Variants in SHISA9 observed in about 807,000 individuals in gnomAD.
SHISA9 encodes shisa family member 9.
In SHISA9, 13 loss-of-function variants were observed where a neutral mutation model predicts 38.0. The ratio of observed to expected loss-of-function variants is 0.34; its 90% CI spans 0.22 to 0.54. The LOEUF is 0.54. Among genes scored for constraint, SHISA9 ranks in the 20% least tolerant of loss-of-function variants. The probability of loss-of-function intolerance (pLI) is 0.91; values close to 1 mark genes in which losing one functional copy is unlikely to be tolerated. For missense variants in SHISA9, 538 were observed against 575.8 expected, an observed-to-expected ratio of 0.93 and a Z score of 0.67; for synonymous variants, 275 against 242.0, an observed-to-expected ratio of 1.14 and a Z score of -1.27.
chr16:12,997,058 G>A (rs2072465722), intron 2 of SHISA9, among the ~76,000 whole-genome samples: 1 of 152,046 alleles, frequency 6.6e-6, no homozygotes, highest in African/African-American at 2.4e-5. Flanking sequence ...CATGCATATA[G>A]CCCTGCAACC....
At chr16:13,017,701 T>C (rs1224638930) in intron 2 of SHISA9, among the ~76,000 whole-genome samples, 2 of 152,160 alleles carry the variant, frequency 1.3e-5, no homozygotes, top group South Asian at 2.1e-4. Context: ...TAAGAAAAAC[T>C]GAGGTTTAGA....
the SHISA9 span, among the ~76,000 whole-genome samples, chr16:13,440,543 G>A: frequency 6.6e-6 from 1 of 152,172 alleles, no homozygotes; most frequent in African/African-American, 2.4e-5. Flanking sequence ...ATGTCTCCTA[G>A]TTATTCTGTT....
At chr16:13,285,693 C>G in the SHISA9 span, among the ~76,000 whole-genome samples, 1 of 151,992 alleles carries the variant, frequency 6.6e-6, no homozygotes. Flanking sequence ...AGACATTATC[C>G]TAAGTGTAAA....
At chr16:13,313,639 A>G in the SHISA9 span, among the ~76,000 whole-genome samples, 4 of 152,258 alleles carry the variant, frequency 2.6e-5, no homozygotes, top group Non-Finnish European at 5.9e-5. Flanking sequence ...AACATTGTTT[A>G]TGAATAGTCT....
chr16:13,088,014 G>T (rs1217637199), intron 2 of SHISA9, among the ~76,000 whole-genome samples: 5 of 152,108 alleles, frequency 3.3e-5, no homozygotes, highest in Non-Finnish European at 2.9e-5. Context: ...TGTAAGGAAG[G>T]GATCCAGTTT....
the SHISA9 span, among the ~76,000 whole-genome samples, chr16:13,298,002 C>T: frequency 1.3e-5 from 2 of 152,154 alleles, no homozygotes; most frequent in African/African-American, 4.8e-5. Flanking sequence ...GTGATCCACC[C>T]GCCTCGGCCT....
At chr16:13,549,956 G>A in the SHISA9 span, among the ~76,000 whole-genome samples, 1 of 151,504 alleles carries the variant, frequency 6.6e-6, no homozygotes. Context: ...CCAGGAGGCA[G>A]AGGTTGCAGT....
chr16:13,486,104 C>T, the SHISA9 span, among the ~76,000 whole-genome samples: 86 of 152,300 alleles, frequency 5.6e-4, no homozygotes, highest in Middle Eastern at 6.8e-3. Flanking sequence ...CATTCCTGCA[C>T]GGAGTTGATT....
At chr16:13,328,627 CACACACACATAT>C in the SHISA9 span, among the ~76,000 whole-genome samples, 4 of 109,536 alleles carry the variant, frequency 3.7e-5, no homozygotes, top group African/African-American at 1.2e-4. Context: ...CACACACACA[CACACACACATAT>C]ATATTGTATT....
At chr16:13,145,631 T>A (rs1489533945) in intron 2 of SHISA9, among the ~76,000 whole-genome samples, 3 of 152,198 alleles carry the variant, frequency 2.0e-5, no homozygotes, top group Admixed American at 6.5e-5. Flanking sequence ...AAGGGAATAA[T>A]CGTGATTTTT....
At chr16:13,095,082 G>A (rs1186718346) in intron 2 of SHISA9, among the ~76,000 whole-genome samples, 1 of 152,150 alleles carries the variant, frequency 6.6e-6, no homozygotes, top group African/African-American at 2.4e-5. Context: ...CTGTCAAATG[G>A]TTTACAGGTC....
chr16:12,953,196 CAAAA>C (rs1177992016), intron 2 of SHISA9, among the ~76,000 whole-genome samples: 2 of 146,496 alleles, frequency 1.4e-5, no homozygotes, highest in East Asian at 2.0e-4. Flanking sequence ...AAAAGAAAAA[CAAAA>C]AAACCCCTCA....
the SHISA9 span, among the ~76,000 whole-genome samples, chr16:13,456,261 CTG>C: frequency 2.0e-5 from 3 of 152,204 alleles, no homozygotes; most frequent in South Asian, 2.1e-4. Context: ...AGCCGTTAGA[CTG>C]TGCACTTCAA....
intron 2 of SHISA9, among the ~76,000 whole-genome samples, chr16:13,000,911 C>G (rs112746201): frequency 6.6e-6 from 1 of 152,074 alleles, no homozygotes; most frequent in Non-Finnish European, 1.5e-5. Context: ...GGCAACTGCC[C>G]TCATCTTGGG....
At chr16:13,113,912 C>T (rs185050980) in intron 2 of SHISA9, among the ~76,000 whole-genome samples, 2 of 152,220 alleles carry the variant, frequency 1.3e-5, no homozygotes, top group East Asian at 1.9e-4. Context: ...GGGTCACTGC[C>T]TTCTTCTGTC....
intron 2 of SHISA9, among the ~76,000 whole-genome samples, chr16:13,152,452 A>T (rs886767691): frequency 6.6e-6 from 1 of 152,228 alleles, no homozygotes. Flanking sequence ...AAAGCGAGAT[A>T]TTAATAGCTC....
intron 4 of SHISA9, among the ~76,000 whole-genome samples, chr16:13,232,602 T>C (rs2051342284): frequency 6.6e-6 from 1 of 152,102 alleles, no homozygotes; most frequent in African/African-American, 2.4e-5. Context: ...TGCAGCTTGG[T>C]TTTATACATT....
chr16:13,328,140 C>G, the SHISA9 span, among the ~76,000 whole-genome samples: 1 of 152,156 alleles, frequency 6.6e-6, no homozygotes, highest in Non-Finnish European at 1.5e-5. Context: ...TAATTTCAAA[C>G]TCGGCCTCGA....
chr16:13,487,662 C>T, the SHISA9 span, among the ~76,000 whole-genome samples: 2 of 152,224 alleles, frequency 1.3e-5, no homozygotes, highest in African/African-American at 4.8e-5. Context: ...TTTATCACTC[C>T]ATATACTTTA....
Sources: gnomAD v4.1 joint callset for allele counts (sites outside exome capture counted in the v4.1 genomes callset) on GRCh38, gnomAD v4.1.1 for gene constraint, MANE v1.5 for transcripts, NCBI Gene and HGNC (gene_info 2026-07-23, HGNC 2026-07-21) for gene names.